WIF1: variants seen among roughly 807,000 people sequenced by gnomAD.
The protein encoded by WIF1 is Wnt inhibitory factor 1.
In WIF1, 35 loss-of-function variants were observed where a neutral mutation model predicts 53.5. The ratio of observed to expected loss-of-function variants is 0.65; its 90% CI spans 0.50 to 0.87. The LOEUF (loss-of-function observed/expected upper bound fraction) is 0.87. Ranked by LOEUF, WIF1 falls within the 40% of genes least tolerant of loss-of-function variation. WIF1 has a pLI of 0.00. For synonymous variants in WIF1, 171 were observed against 170.4 expected, an observed-to-expected ratio of 1.00 and a Z score of -0.03; for missense variants, 467 against 476.8, an observed-to-expected ratio of 0.98 and a Z score of 0.19.
intron 2 of WIF1, among the ~76,000 whole-genome samples, chr12:65,116,222 A>G (rs1883506655): frequency 6.6e-6 from 1 of 152,168 alleles, no homozygotes; most frequent in South Asian, 2.1e-4. Flanking sequence ...CCCTCGGGGC[A>G]CATGTCAGTA....
At chr12:65,085,733 G>T (rs553651393) in intron 2 of WIF1, among the ~76,000 whole-genome samples, 2 of 152,272 alleles carry the variant, frequency 1.3e-5, no homozygotes, top group East Asian at 3.9e-4. Context: ...CCAGTGGGCT[G>T]GACTGAGGGA....
intron 2 of WIF1, among the ~76,000 whole-genome samples, chr12:65,114,668 C>T (rs116832187): frequency 0.026 from 3,959 of 152,144 alleles, 197 homozygotes; most frequent in African/African-American, 0.09. Flanking sequence ...TCACTTGATA[C>T]GCTCTCTCTT....
intron 2 of WIF1, among the ~76,000 whole-genome samples, chr12:65,118,812 T>C (rs1214700342): frequency 6.6e-6 from 1 of 152,140 alleles, no homozygotes; most frequent in Non-Finnish European, 1.5e-5. Context: ...TGCTTCAAAT[T>C]CTATTCTTCA....
At chr12:65,081,100 C>A (rs1882941952) in intron 2 of WIF1, among the ~76,000 whole-genome samples, 1 of 149,906 alleles carries the variant, frequency 6.7e-6, no homozygotes, top group Non-Finnish European at 1.5e-5. Flanking sequence ...TATATCTTTT[C>A]ATGAAATAAG....
intron 2 of WIF1, among the ~76,000 whole-genome samples, chr12:65,096,149 A>G (rs1343294735): frequency 2.0e-5 from 3 of 152,224 alleles, no homozygotes; most frequent in Non-Finnish European, 2.9e-5. Context: ...CAGAATCTAC[A>G]AGGAACTTAA....
intron 2 of WIF1, among the ~76,000 whole-genome samples, chr12:65,103,333 GATT>G (rs1419450181): frequency 6.6e-6 from 1 of 152,208 alleles, no homozygotes; most frequent in Non-Finnish European, 1.5e-5. Flanking sequence ...TGTTTTAAAT[GATT>G]AAGTACATGA....
intron 2 of WIF1, among the ~76,000 whole-genome samples, chr12:65,094,127 T>G (rs535813202): frequency 2.0e-5 from 3 of 152,274 alleles, no homozygotes; most frequent in African/African-American, 4.8e-5. Context: ...TTTTCACAGC[T>G]ACTGTCAGCC....
chr12:65,100,475 C>T (rs1277462602), intron 2 of WIF1, among the ~76,000 whole-genome samples: 2 of 152,014 alleles, frequency 1.3e-5, no homozygotes, highest in Non-Finnish European at 1.5e-5. Context: ...GCGACAAAAG[C>T]ATACTAAAAA....
intron 3 of WIF1, among the ~76,000 whole-genome samples, chr12:65,076,909 T>C (rs1327077654): frequency 6.7e-6 from 1 of 149,146 alleles, no homozygotes; most frequent in African/African-American, 2.5e-5. Flanking sequence ...AAAAAAAAAA[T>C]CATGACGCAA....
intron 2 of WIF1, among the ~76,000 whole-genome samples, chr12:65,105,147 T>C (rs1419045603): frequency 2.0e-5 from 3 of 152,014 alleles, no homozygotes; most frequent in Non-Finnish European, 4.4e-5. Context: ...ATTGGGATTT[T>C]GGGTTCAGCT....
chr12:65,075,546 G>C (rs1208697399), intron 3 of WIF1, among the ~76,000 whole-genome samples: 2 of 152,134 alleles, frequency 1.3e-5, no homozygotes, highest in African/African-American at 4.8e-5. Flanking sequence ...AACTTAATGT[G>C]AAATAAATAG....
chr12:65,062,459 A>C, intron 7 of WIF1, 22 bp downstream of exon 7: 2 of 1,591,624 alleles, frequency 1.3e-6, no homozygotes, highest in Non-Finnish European at 1.7e-6. Context: ...AAGTCAAAAG[A>C]ACGCAGAAAG....
At chr12:65,062,710 G>A in intron 6 of WIF1, 134 bp from the exon 7 acceptor site, 1 of 782,136 alleles carries the variant, frequency 1.3e-6, no homozygotes, top group Non-Finnish European at 2.0e-6. Context: ...AAAATAAGCT[G>A]CTTTACAAAT....
chr12:65,119,010 G>A (rs375230166), intron 2 of WIF1, among the ~76,000 whole-genome samples: 1 of 152,130 alleles, frequency 6.6e-6, no homozygotes, highest in African/African-American at 2.4e-5. Flanking sequence ...AACCCATAAA[G>A]GTATAGGTTA....
chr12:65,084,730 C>A (rs61924763), intron 2 of WIF1, among the ~76,000 whole-genome samples: 1 of 152,000 alleles, frequency 6.6e-6, no homozygotes. Context: ...GAGAGGCATC[C>A]AGAAGTGTAA....
chr12:65,114,677 T>C lies in WIF1; in HGVS notation c.288+5740A>G, dbSNP rs990795453. On this transcript the variant is annotated intron_variant, in intron 2 of 9. Coordinates refer to ENST00000286574, the MANE Select transcript of WIF1 (RefSeq NM_007191.5). ...AATGTTTCACTTGATACGCTCTCTCTTGAGCATATCTAATATTTTCTATTT... is the reference window on the plus strand; with the variant it reads ...AATGTTTCACTTGATACGCTCTCTCCTGAGCATATCTAATATTTTCTATTT... Among the ~76,000 whole-genome samples, 3 of 152,188 alleles carry C rather than the reference T, an allele frequency of 2.0e-5. No homozygotes were observed. The East Asian group carries it at 5.8e-4, about 29-fold the overall frequency.
chr12:65,056,267 CTT>C (rs370267621), intron 7 of WIF1, 141 bp from the exon 8 acceptor site: 123 of 485,230 alleles, frequency 2.5e-4, no homozygotes, highest in Admixed American at 4.4e-4. Flanking sequence ...TCTACTCTGG[CTT>C]TTTTTTTTTG....
In WIF1 at chr12:65,082,564, C is replaced by T. The variant is rs565437324; in HGVS notation, c.289-4710G>A. Among the ~76,000 whole-genome samples the T allele has an allele frequency of 2.4e-4, 37 of 152,254 alleles. 1 individual carries two copies. The highest frequency in any genetic ancestry group is 8.2e-4 in the African/African-American group (34 of 41,560). ...TCTTTTCATGGAGAAGCATAAAAGA[C>T]ACCCAAATATTATCAAGAGAGGAGT... is the stretch of plus-strand genomic sequence containing the variant. On this transcript the variant is annotated intron_variant, in intron 2 of 9. Transcript: ENST00000286574.
chr12:65,055,951 G>A, intron 8 of WIF1, 80 bp downstream of exon 8: 1 of 1,298,810 alleles, frequency 7.7e-7, no homozygotes, highest in South Asian at 1.3e-5. Context: ...CATGCACTAA[G>A]CACGGAAGTA....
Sources: gnomAD v4.1 joint callset for allele counts (sites outside exome capture counted in the v4.1 genomes callset) on GRCh38, gnomAD v4.1.1 for gene constraint, MANE v1.5 for transcripts, NCBI Gene and HGNC (gene_info 2026-07-23, HGNC 2026-07-21) for gene names.